SAE1: variants seen among roughly 807,000 people sequenced by gnomAD.
SAE1 encodes the protein SUMO-activating enzyme subunit 1.
SAE1 carries 11 observed loss-of-function variants against 40.6 expected under a neutral mutation model. The ratio of observed to expected loss-of-function variants is 0.27; its 90% confidence interval spans 0.17 to 0.45. The LOEUF is 0.45. SAE1 is among the 20% of genes least tolerant of loss of function. SAE1 has a pLI of 1.00. For missense variants in SAE1, 373 were observed against 427.3 expected (o/e 0.87, Z 1.12); for synonymous variants, 155 against 154.3 (o/e 1.00, Z -0.03).
At chr19:47,197,052 G>A (rs1309803063) in intron 6 of SAE1, among the ~76,000 whole-genome samples, 181 bp from the exon 7 acceptor site, 3 of 151,912 alleles carry the variant, frequency 2.0e-5, no homozygotes, top group Non-Finnish European at 2.9e-5. Flanking sequence ...ATGGTGGTTC[G>A]TGCCTGTAGT....
intron 6 of SAE1, among the ~76,000 whole-genome samples, chr19:47,190,905 G>A (rs1210502709): frequency 6.6e-6 from 1 of 152,174 alleles, no homozygotes; most frequent in Non-Finnish European, 1.5e-5. Flanking sequence ...ATCAAATGGG[G>A]GATCCCCTGA....
chr19:47,206,343 C>T (rs960169453), intron 8 of SAE1, among the ~76,000 whole-genome samples: 5 of 152,228 alleles, frequency 3.3e-5, no homozygotes, highest in Admixed American at 2.0e-4. Flanking sequence ...ACTGGTCAGC[C>T]TTCAGCCAGC....
chr19:47,153,817 G>A (rs981891041), intron 4 of SAE1, among the ~76,000 whole-genome samples: 1 of 152,094 alleles, frequency 6.6e-6, no homozygotes, highest in Admixed American at 6.6e-5. Flanking sequence ...TTGAGACGGA[G>A]TTTTGCTGTT....
chr19:47,205,028 C>T (rs1229768358), intron 8 of SAE1, among the ~76,000 whole-genome samples: 1 of 152,178 alleles, frequency 6.6e-6, no homozygotes, highest in African/African-American at 2.4e-5. Context: ...TAAAACTATA[C>T]CATACCCCCA....
At chr19:47,149,449 G>T (rs2058274066) in intron 2 of SAE1, among the ~76,000 whole-genome samples, 1 of 152,190 alleles carries the variant, frequency 6.6e-6, no homozygotes, top group East Asian at 1.9e-4. Context: ...GGGATTACAG[G>T]TGTGAGCCAC....
chr19:47,158,071 T>C (rs2058334752), intron 5 of SAE1, among the ~76,000 whole-genome samples: 1 of 144,158 alleles, frequency 6.9e-6, no homozygotes, highest in Non-Finnish European at 1.5e-5. Context: ...AGTTGGGTTG[T>C]GCTCAGAGAG....
Position 47,130,881 on chromosome 19 carries a change from G to T in SAE1, c.-50G>T, listed in dbSNP as rs752517981. ...GCGGTAGGTGGCGCGCGGGTCCGGC[G>T]GGCGGTTGGCTTGAGCGGGACCGGA... On this transcript the variant is annotated 5_prime_UTR_variant, in exon 1 of 9. Coordinates refer to ENST00000270225, the MANE Select transcript of SAE1 (RefSeq NM_005500.3). 6.5e-6 allele frequency: 10 copies of T among 1,545,766 alleles called. No individual in the cohort carries two copies. The African/African-American group carries it at 1.4e-4, about 21-fold the overall frequency.
chr19:47,144,902 G>A (rs1049038245), intron 2 of SAE1, among the ~76,000 whole-genome samples: 4 of 152,156 alleles, frequency 2.6e-5, no homozygotes, highest in South Asian at 2.1e-4. Context: ...CGCAATCTCC[G>A]CACACTGCAA....
chr19:47,143,307 G>A (rs1348963865), intron 1 of SAE1, among the ~76,000 whole-genome samples, 187 bp from the exon 2 acceptor site: 1 of 152,100 alleles, frequency 6.6e-6, no homozygotes, highest in Admixed American at 6.6e-5. Context: ...GTTTCACCGT[G>A]TTGGTCAGGC....
intron 8 of SAE1, among the ~76,000 whole-genome samples, chr19:47,208,465 G>C (rs1407634648): frequency 6.6e-6 from 1 of 151,632 alleles, no homozygotes; most frequent in Non-Finnish European, 1.5e-5. Context: ...TTTTGAGACA[G>C]AGTCTCACTG....
chr19:47,196,712 T>C (rs1280884444), intron 6 of SAE1, among the ~76,000 whole-genome samples: 1 of 151,978 alleles, frequency 6.6e-6, no homozygotes, highest in Admixed American at 6.6e-5. Context: ...TTCCACTGCT[T>C]TCTGCCCCCT....
At chr19:47,156,269 TAAA>T (rs568932525) in intron 5 of SAE1, among the ~76,000 whole-genome samples, 1 of 132,846 alleles carries the variant, frequency 7.5e-6, no homozygotes, top group Admixed American at 7.6e-5. Context: ...AGATCCTGTC[TAAA>T]AAAAAAAAAA....
rs1600157546 is a variant in SAE1, at chr19:47,148,731, C to T, written c.211-1471C>T. ...CCAGGTTCAAGCGATTCTCCTGCCT[C>T]AGCCTCCCGAGTAGCTGGAATTACA... On this transcript the variant is annotated intron_variant, in intron 2 of 8. Coordinates refer to ENST00000270225, the MANE Select transcript of SAE1 (RefSeq NM_005500.3). Among the ~76,000 whole-genome samples, 3 of 151,738 alleles carry T rather than the reference C, an allele frequency of 2.0e-5. No homozygotes were observed. In the East Asian group the frequency reaches 5.8e-4, roughly 29 times the overall value.
intron 1 of SAE1, among the ~76,000 whole-genome samples, chr19:47,139,576 G>GAATGTGTATC (rs1314057989): frequency 2.0e-4 from 30 of 148,462 alleles, no homozygotes; most frequent in African/African-American, 7.5e-4. Context: ...ATGCTGCTGT[G>GAATGTGTATC]AATGTGTATC....
intron 6 of SAE1, among the ~76,000 whole-genome samples, chr19:47,188,249 G>C (rs994262744): frequency 3.9e-5 from 6 of 152,062 alleles, no homozygotes; most frequent in African/African-American, 1.4e-4. Flanking sequence ...TATTTGGGAG[G>C]CTGAGGCAGG....
chr19:47,133,866 G>T (rs1208571362), intron 1 of SAE1, among the ~76,000 whole-genome samples: 11 of 139,518 alleles, frequency 7.9e-5, no homozygotes, highest in South Asian at 2.3e-4. Flanking sequence ...TTTTTTGTTT[G>T]TTTTTTTTTT....
rs148866219 is a variant in SAE1 at position 47,160,940 on chromosome 19, A to C, written c.627+5727A>C. 6.9e-4 allele frequency among the ~76,000 whole-genome samples: 105 copies of C among 152,312 alleles called. 1 individual carries two copies. The East Asian group carries it at 0.018, about 26-fold the overall frequency. ...AATGCTGATAGCAAGTTTTCCAGGT[A>C]GGAGAGTTAGTTGGGGTGGGGGATG... On this transcript the variant is annotated intron_variant, in intron 5 of 8. Coordinates refer to ENST00000270225, the MANE Select transcript of SAE1 (RefSeq NM_005500.3).
intron 5 of SAE1, among the ~76,000 whole-genome samples, chr19:47,166,061 C>G (rs978580620): frequency 6.6e-6 from 1 of 152,222 alleles, no homozygotes; most frequent in African/African-American, 2.4e-5. Context: ...CCTGGGACCC[C>G]TGAAATCTCC....
intron 7 of SAE1, among the ~76,000 whole-genome samples, chr19:47,198,366 C>G (rs922750918): frequency 2.0e-5 from 3 of 152,146 alleles, no homozygotes; most frequent in African/African-American, 7.2e-5. Flanking sequence ...CCTACCTTGG[C>G]CTCCCAAAGT....
Sources: allele counts gnomAD v4.1 joint callset (sites outside exome capture counted in the v4.1 genomes callset), GRCh38; gene constraint gnomAD v4.1.1; transcripts MANE v1.5; gene names NCBI Gene and HGNC (gene_info 2026-07-23, HGNC 2026-07-21).